The following PPARGC1A variants were observed in gnomAD, a reference collection of about 807,000 sequenced individuals.
The protein encoded by PPARGC1A is PPARG coactivator 1 alpha, also known as peroxisome proliferator-activated receptor gamma coactivator 1-alpha.
In PPARGC1A, 25 loss-of-function variants were observed where a neutral mutation model predicts 88.7. That is an observed-to-expected ratio of 0.28 (90% CI 0.21 to 0.39). PPARGC1A has a LOEUF of 0.39. PPARGC1A is among the 10% of genes least tolerant of loss of function. PPARGC1A has a pLI of 1.00. For missense variants in PPARGC1A, 880 were observed against 968.7 expected, an observed-to-expected ratio of 0.91 and a Z score of 1.22; for synonymous variants, 363 against 355.6, an observed-to-expected ratio of 1.02 and a Z score of -0.24.
At chr4:23,811,629 A>G (rs978211887) in intron 10 of PPARGC1A, among the ~76,000 whole-genome samples, 1 of 152,158 alleles carries the variant, frequency 6.6e-6, no homozygotes, top group African/African-American at 2.4e-5. Context: ...AGGTTGATAA[A>G]CAGCGGTAGG....
At chr4:24,118,761 C>T in the PPARGC1A span, among the ~76,000 whole-genome samples, 3 of 152,090 alleles carry the variant, frequency 2.0e-5, no homozygotes, top group African/African-American at 7.2e-5. Context: ...TTAACATATA[C>T]ACATGGGATA....
chr4:24,306,382 T>C, the PPARGC1A span, among the ~76,000 whole-genome samples: 1 of 152,014 alleles, frequency 6.6e-6, no homozygotes, highest in Non-Finnish European at 1.5e-5. Flanking sequence ...ATTCAATAGG[T>C]ATTATGAAGA....
the PPARGC1A span, among the ~76,000 whole-genome samples, chr4:24,249,977 A>T: frequency 6.6e-6 from 1 of 152,236 alleles, no homozygotes; most frequent in Non-Finnish European, 1.5e-5. Context: ...GCAGAAGTTC[A>T]TTTATTGAAT....
At chr4:23,820,893 G>A (rs1374611156) in intron 7 of PPARGC1A, among the ~76,000 whole-genome samples, 1 of 152,120 alleles carries the variant, frequency 6.6e-6, no homozygotes, top group Non-Finnish European at 1.5e-5. Flanking sequence ...GACACCAGAA[G>A]GCCTGAGCCA....
the PPARGC1A span, among the ~76,000 whole-genome samples, chr4:24,105,653 G>A: frequency 6.6e-6 from 1 of 152,132 alleles, no homozygotes; most frequent in Non-Finnish European, 1.5e-5. Context: ...TATATAATAA[G>A]CGAATGGTGT....
the PPARGC1A span, among the ~76,000 whole-genome samples, chr4:24,466,989 G>GGGAC: frequency 9.3e-6 from 1 of 107,292 alleles, no homozygotes; most frequent in South Asian, 3.1e-4. Flanking sequence ...AAAGAAAGGA[G>GGGAC]GGAGGGAGGA....
the PPARGC1A span, among the ~76,000 whole-genome samples, chr4:23,914,814 G>A: frequency 4.6e-5 from 7 of 152,242 alleles, no homozygotes; most frequent in East Asian, 1.4e-3. Context: ...CAAACAAAAA[G>A]CATTGTTTCT....
At chr4:24,068,964 G>A in the PPARGC1A span, among the ~76,000 whole-genome samples, 2 of 152,168 alleles carry the variant, frequency 1.3e-5, no homozygotes, top group Non-Finnish European at 2.9e-5. Context: ...TGGAATTAGG[G>A]TCAGATTTGC....
chr4:24,190,312 G>A, the PPARGC1A span, among the ~76,000 whole-genome samples: 3 of 152,104 alleles, frequency 2.0e-5, no homozygotes, highest in African/African-American at 4.8e-5. Flanking sequence ...TCAGGAGATC[G>A]AGGCCATCCT....
chr4:24,333,838 G>A, the PPARGC1A span, among the ~76,000 whole-genome samples: 1 of 149,190 alleles, frequency 6.7e-6, no homozygotes, highest in East Asian at 2.0e-4. Flanking sequence ...GGAGGTTGAG[G>A]CAGGAGAATC....
At chr4:24,036,436 T>C in the PPARGC1A span, among the ~76,000 whole-genome samples, 1 of 152,202 alleles carries the variant, frequency 6.6e-6, no homozygotes, top group African/African-American at 2.4e-5. Context: ...GAAGCTCATG[T>C]ATGAACATAT....
the PPARGC1A span, among the ~76,000 whole-genome samples, chr4:24,025,435 A>G: frequency 4.6e-5 from 7 of 152,120 alleles, no homozygotes; most frequent in Non-Finnish European, 1.0e-4. Flanking sequence ...GTTTCTCACA[A>G]TTCACATTCA....
chr4:24,460,390 A>G, the PPARGC1A span, among the ~76,000 whole-genome samples: 6 of 152,214 alleles, frequency 3.9e-5, no homozygotes, highest in African/African-American at 1.4e-4. Context: ...AAACATCATC[A>G]TACTTGATTA....
the PPARGC1A span, among the ~76,000 whole-genome samples, chr4:24,041,126 T>C: frequency 6.6e-6 from 1 of 152,226 alleles, no homozygotes; most frequent in South Asian, 2.1e-4. Flanking sequence ...TCCAGATCTA[T>C]GCTTCACCCT....
the PPARGC1A span, among the ~76,000 whole-genome samples, chr4:23,956,255 C>T: frequency 6.6e-6 from 1 of 152,064 alleles, no homozygotes; most frequent in East Asian, 1.9e-4. Flanking sequence ...ATGCCCATCA[C>T]CTGTGGATCT....
the PPARGC1A span, among the ~76,000 whole-genome samples, chr4:24,291,980 G>A: frequency 6.6e-6 from 1 of 152,196 alleles, no homozygotes; most frequent in Non-Finnish European, 1.5e-5. Context: ...CATTTTAGAT[G>A]TTGAGCAGCA....
chr4:23,919,005 C>A, the PPARGC1A span, among the ~76,000 whole-genome samples: 14 of 152,250 alleles, frequency 9.2e-5, no homozygotes, highest in East Asian at 2.7e-3. Context: ...AACCATGACC[C>A]AACATGGTTA....
the PPARGC1A span, among the ~76,000 whole-genome samples, chr4:24,282,396 T>C: frequency 6.6e-6 from 1 of 152,224 alleles, no homozygotes; most frequent in Non-Finnish European, 1.5e-5. Context: ...TATAACTCTT[T>C]AGGGGTTGGA....
At chr4:24,103,022 TG>T in the PPARGC1A span, among the ~76,000 whole-genome samples, 1 of 152,176 alleles carries the variant, frequency 6.6e-6, no homozygotes, top group African/African-American at 2.4e-5. Flanking sequence ...GAAATTGCCC[TG>T]GCCTCACTGT....
Sources: allele counts gnomAD v4.1 joint callset (sites outside exome capture counted in the v4.1 genomes callset), GRCh38; gene constraint gnomAD v4.1.1; transcripts MANE v1.5; gene names NCBI Gene and HGNC (gene_info 2026-07-23, HGNC 2026-07-21).